GALNT13: variants seen among roughly 807,000 people sequenced by gnomAD.
The protein encoded by GALNT13 is UDP-GalNAc:polypeptide N-acetylgalactosaminyltransferase 13.
GALNT13 carries 28 observed loss-of-function variants against 64.2 expected under a neutral mutation model. The observed-to-expected ratio is 0.44, with a 90% CI of 0.32 to 0.60. The LOEUF is 0.60. GALNT13 is among the 20% of genes least tolerant of loss of function. The probability of loss-of-function intolerance (pLI) is 0.05; values close to 1 mark genes in which losing one functional copy is unlikely to be tolerated. For missense variants in GALNT13, 577 were observed against 669.8 expected (o/e 0.86, Z 1.53); for synonymous variants, 214 against 224.6 (o/e 0.95, Z 0.42).
the GALNT13 span, among the ~76,000 whole-genome samples, chr2:153,748,912 G>A: frequency 6.6e-6 from 1 of 152,012 alleles, no homozygotes. Flanking sequence ...CAAGACCAAT[G>A]TCCTGGATTT....
chr2:153,588,450 C>T, the GALNT13 span, among the ~76,000 whole-genome samples: 1 of 152,204 alleles, frequency 6.6e-6, no homozygotes, highest in Admixed American at 6.5e-5. Context: ...AACTTCTGGG[C>T]ACTCACAGGT....
the GALNT13 span, among the ~76,000 whole-genome samples, chr2:153,780,238 TATATATATATATATATATATGC>T: frequency 3.3e-4 from 5 of 15,098 alleles, no homozygotes; most frequent in Non-Finnish European, 1.3e-3. Context: ...TATATATATA[TATATATATATATATATATATGC>T]ATATATATAT....
chr2:153,546,405 G>A, the GALNT13 span, among the ~76,000 whole-genome samples: 7 of 152,126 alleles, frequency 4.6e-5, no homozygotes, highest in Admixed American at 3.3e-4. Context: ...ACTGGGCCCT[G>A]CAAATTATGT....
the GALNT13 span, among the ~76,000 whole-genome samples, chr2:153,700,836 TAAAAC>T: frequency 1.3e-5 from 2 of 151,956 alleles, no homozygotes; most frequent in Admixed American, 1.3e-4. Context: ...CTCAAGGAAA[TAAAAC>T]AGAACACAAA....
At chr2:153,279,833 T>C in the GALNT13 span, among the ~76,000 whole-genome samples, 1 of 152,132 alleles carries the variant, frequency 6.6e-6, no homozygotes, top group Non-Finnish European at 1.5e-5. Context: ...ATTTTTTTTT[T>C]CATTGTGTCT....
intron 9 of GALNT13, among the ~76,000 whole-genome samples, chr2:154,395,524 A>T (rs536875386): frequency 6.6e-6 from 1 of 152,280 alleles, no homozygotes; most frequent in South Asian, 2.1e-4. Flanking sequence ...GAAAAAGAAC[A>T]TATGTACAGT....
At chr2:153,667,087 GAAAAAAGAAT>G in the GALNT13 span, among the ~76,000 whole-genome samples, 2 of 151,760 alleles carry the variant, frequency 1.3e-5, no homozygotes, top group Non-Finnish European at 2.9e-5. Flanking sequence ...AAAAAATAAA[GAAAAAAGAAT>G]AAAAAAGAAT....
chr2:154,383,695 G>A (rs1175989023), intron 9 of GALNT13, among the ~76,000 whole-genome samples: 3 of 151,826 alleles, frequency 2.0e-5, no homozygotes, highest in South Asian at 2.1e-4. Flanking sequence ...AAATATTACT[G>A]TTATGATATT....
chr2:154,178,151 A>G (rs955886260), intron 4 of GALNT13, among the ~76,000 whole-genome samples: 17 of 152,066 alleles, frequency 1.1e-4, no homozygotes, highest in Admixed American at 1.1e-3. Flanking sequence ...CTTATTCACC[A>G]CTATAAGTTA....
At chr2:153,400,577 C>G in the GALNT13 span, among the ~76,000 whole-genome samples, 1 of 152,092 alleles carries the variant, frequency 6.6e-6, no homozygotes, top group Non-Finnish European at 1.5e-5. Flanking sequence ...GGTTGGTAAG[C>G]TATTGATTAT....
chr2:154,389,311 GT>G (rs1214031404), intron 9 of GALNT13, among the ~76,000 whole-genome samples: 2 of 151,958 alleles, frequency 1.3e-5, no homozygotes, highest in African/African-American at 4.8e-5. Context: ...TAATTTTTTG[GT>G]GTTTTTAGTA....
the GALNT13 span, among the ~76,000 whole-genome samples, chr2:153,776,505 ATTAAG>A: frequency 6.6e-6 from 1 of 152,202 alleles, no homozygotes; most frequent in Non-Finnish European, 1.5e-5. Flanking sequence ...CACTACAGCT[ATTAAG>A]TTATTTTTTG....
chr2:153,739,634 TTTTA>T, the GALNT13 span, among the ~76,000 whole-genome samples: 4 of 142,854 alleles, frequency 2.8e-5, no homozygotes, highest in African/African-American at 7.5e-5. Flanking sequence ...TATTATTTTA[TTTTA>T]TTTTATTTTT....
At chr2:153,252,029 C>G in the GALNT13 span, among the ~76,000 whole-genome samples, 1 of 151,388 alleles carries the variant, frequency 6.6e-6, no homozygotes, top group African/African-American at 2.4e-5. Flanking sequence ...AGTTCTAGAT[C>G]CCTGAGGAAT....
chr2:154,118,376 T>A (rs1484894063), intron 3 of GALNT13, among the ~76,000 whole-genome samples: 1 of 151,754 alleles, frequency 6.6e-6, no homozygotes, highest in Non-Finnish European at 1.5e-5. Context: ...GTGTGGAATA[T>A]CTTTTATATT....
At chr2:154,205,192 C>T (rs1004575293) in intron 4 of GALNT13, among the ~76,000 whole-genome samples, 2 of 152,130 alleles carry the variant, frequency 1.3e-5, no homozygotes, top group Non-Finnish European at 2.9e-5. Context: ...AATAACTGTA[C>T]TTATTTATCC....
At chr2:153,996,078 G>T (rs1360376442) in intron 3 of GALNT13, among the ~76,000 whole-genome samples, 1 of 152,142 alleles carries the variant, frequency 6.6e-6, no homozygotes, top group Non-Finnish European at 1.5e-5. Context: ...TTCATTGGTT[G>T]ATGGATGCTT....
chr2:153,637,052 A>C, the GALNT13 span, among the ~76,000 whole-genome samples: 22 of 152,122 alleles, frequency 1.4e-4, no homozygotes, highest in African/African-American at 3.9e-4. Flanking sequence ...GCACCAAAAA[A>C]AGGTGAAATG....
chr2:153,256,990 C>T, the GALNT13 span, among the ~76,000 whole-genome samples: 1 of 152,252 alleles, frequency 6.6e-6, no homozygotes, highest in Non-Finnish European at 1.5e-5. Context: ...CCAGTTCGAG[C>T]TTCCCGGCTA....
Sources: gnomAD v4.1 joint callset for allele counts (sites outside exome capture counted in the v4.1 genomes callset) on GRCh38, gnomAD v4.1.1 for gene constraint, MANE v1.5 for transcripts, NCBI Gene and HGNC (gene_info 2026-07-23, HGNC 2026-07-21) for gene names.